Variants in PCDH9 observed in about 807,000 individuals in gnomAD.
The protein encoded by PCDH9 is protocadherin 9, also known as protocadherin-9.
PCDH9 carries 24 observed loss-of-function variants against 70.6 expected under a neutral mutation model. The ratio of observed to expected loss-of-function variants is 0.34; its 90% CI spans 0.25 to 0.48. The LOEUF (loss-of-function observed/expected upper bound fraction) is 0.48, where lower values mean the gene tolerates loss of function less well. Ranked by LOEUF, PCDH9 falls within the 20% of genes least tolerant of loss-of-function variation. PCDH9 has a pLI of 0.99. For missense variants in PCDH9, 1,281 were observed against 1,503.6 expected (o/e 0.85, Z 2.45); for synonymous variants, 562 against 558.5 (o/e 1.01, Z -0.09).
intron 3 of PCDH9, among the ~76,000 whole-genome samples, chr13:66,654,112 C>T (rs888377399): frequency 6.6e-6 from 1 of 151,814 alleles, no homozygotes; most frequent in Non-Finnish European, 1.5e-5. Context: ...GGTACATAAA[C>T]ACAATGGAAT....
At chr13:67,222,443 G>A (rs1050671450) in intron 2 of PCDH9, 1 of 151,964 alleles carries the variant, frequency 6.6e-6, no homozygotes, top group African/African-American at 2.4e-5. Flanking sequence ...TTCTTTGCAG[G>A]TTAACACAAG....
intron 2 of PCDH9, among the ~76,000 whole-genome samples, chr13:66,937,820 CT>C (rs57911340): frequency 0.85 from 124,469 of 146,930 alleles, 52,720 homozygotes; most frequent in Non-Finnish European, 0.88. Flanking sequence ...ATCACTTTAC[CT>C]TTTTTTTTTT....
intron 3 of PCDH9, among the ~76,000 whole-genome samples, chr13:66,757,103 C>A (rs1247614869): frequency 6.6e-6 from 1 of 152,178 alleles, no homozygotes; most frequent in Non-Finnish European, 1.5e-5. Context: ...TCCCAAAGTG[C>A]TGGGATTACA....
intron 2 of PCDH9, chr13:67,208,637 T>TTAC (rs1288628757): frequency 2.0e-5 from 3 of 152,138 alleles, no homozygotes; most frequent in Admixed American, 1.3e-4. Flanking sequence ...ATAAGTAAAT[T>TTAC]TACTACTGTC....
At chr13:66,625,661 ATT>A (rs56865546) in intron 4 of PCDH9, among the ~76,000 whole-genome samples, 481 of 122,952 alleles carry the variant, frequency 3.9e-3, no homozygotes, top group South Asian at 4.4e-3. Context: ...ATATAGTGGA[ATT>A]TTTTTTTTTT....
intron 4 of PCDH9, among the ~76,000 whole-genome samples, chr13:66,394,392 T>C (rs1271702395): frequency 6.6e-6 from 1 of 152,182 alleles, no homozygotes; most frequent in East Asian, 1.9e-4. Flanking sequence ...TGCCTATCTG[T>C]TTGCTTAGGA....
At position 66,937,899 on chromosome 13, in the gene PCDH9, G is replaced by A. The variant is rs568931809; in HGVS notation, c.3037-34294C>T. 2.5e-3 allele frequency among the ~76,000 whole-genome samples: 373 copies of A among 152,002 alleles called. 3 individuals carry two copies. Among genetic ancestry groups the A allele is most frequent in the African/African-American group, 8.7e-3 (362 of 41,426 alleles). ...CTGTGAATCTGCTGTCATTCTGGGG[G>A]TTGCCCAATTCACGAATCATTCATT... On this transcript the variant is annotated intron_variant, in intron 2 of 4. Coordinates refer to ENST00000377865, the MANE Select transcript of PCDH9 (RefSeq NM_203487.3).
intron 2 of PCDH9, among the ~76,000 whole-genome samples, chr13:67,039,069 G>A (rs901851150): frequency 2.0e-5 from 3 of 152,152 alleles, no homozygotes; most frequent in Non-Finnish European, 4.4e-5. Flanking sequence ...TCCAGATGAT[G>A]GGGTTCACGG....
At chr13:66,505,225 C>T (rs149252760) in intron 4 of PCDH9, among the ~76,000 whole-genome samples, 99 of 152,082 alleles carry the variant, frequency 6.5e-4, no homozygotes, top group Middle Eastern at 6.8e-3. Context: ...GTTCTCACAC[C>T]GCTAATAAAG....
At chr13:66,316,887 T>G (rs1955662858) in intron 4 of PCDH9, among the ~76,000 whole-genome samples, 1 of 152,108 alleles carries the variant, frequency 6.6e-6, no homozygotes, top group Admixed American at 6.6e-5. Flanking sequence ...AACGCCTGGC[T>G]AATTTTTGTA....
intron 3 of PCDH9, among the ~76,000 whole-genome samples, chr13:66,899,751 ATG>A (rs1456079727): frequency 3.3e-5 from 5 of 152,054 alleles, no homozygotes; most frequent in Admixed American, 3.3e-4. Context: ...CATAAAAACA[ATG>A]TGCACTTTTT....
chr13:66,722,855 C>A (rs1295592299), intron 3 of PCDH9, among the ~76,000 whole-genome samples: 1 of 151,392 alleles, frequency 6.6e-6, no homozygotes, highest in Non-Finnish European at 1.5e-5. Context: ...GTAATCCCAG[C>A]TACTCAGGAG....
intron 4 of PCDH9, among the ~76,000 whole-genome samples, chr13:66,556,019 G>C (rs1255225002): frequency 6.7e-6 from 1 of 149,092 alleles, no homozygotes; most frequent in Admixed American, 6.7e-5. Flanking sequence ...CTGAAAGACA[G>C]AGAACACAGT....
chr13:67,059,458 A>C (rs915988318), intron 2 of PCDH9, among the ~76,000 whole-genome samples: 3 of 149,734 alleles, frequency 2.0e-5, no homozygotes, highest in African/African-American at 4.9e-5. Flanking sequence ...TTATAAAGAA[A>C]AATACAGCAA....
At position 66,740,887 on chromosome 13, in the gene PCDH9, T is replaced by A. The variant is rs1175288109; in HGVS notation, c.3139-109476A>T. 5.0e-5 allele frequency among the ~76,000 whole-genome samples: 6 copies of A among 119,852 alleles called. No homozygotes were observed. In the Admixed American group the frequency reaches 5.3e-4, roughly 11 times the overall value. The allele number at this position is 119,852 out of a possible 152,430, so 78.6% of individuals were successfully genotyped here. ...CAAAAAGAGTCCAGGACCAGATGGA[T>A]TCACAGCCGAATTCTACCAGAGGTA... On this transcript the variant is annotated intron_variant, in intron 3 of 4. Transcript: ENST00000377865.
chr13:67,110,531 A>AT (rs2138268149), intron 2 of PCDH9, among the ~76,000 whole-genome samples: 1 of 151,766 alleles, frequency 6.6e-6, no homozygotes, highest in South Asian at 2.1e-4. Flanking sequence ...AAAAAAAAAA[A>AT]AAAAGGGACA....
intron 4 of PCDH9, among the ~76,000 whole-genome samples, chr13:66,393,779 C>T (rs1362012765): frequency 6.6e-5 from 10 of 152,214 alleles, no homozygotes; most frequent in Admixed American, 6.5e-4. Flanking sequence ...GAATTGTCTT[C>T]TAAATGAACA....
chr13:66,985,840 C>T (rs898141742), intron 2 of PCDH9: 8 of 152,052 alleles, frequency 5.3e-5, no homozygotes, highest in African/African-American at 1.9e-4. Context: ...TGCAACGCTG[C>T]ACACCCTTAA....
At chr13:66,962,486 C>T (rs9540960) in intron 2 of PCDH9, among the ~76,000 whole-genome samples, 25,482 of 152,176 alleles carry the variant, frequency 0.17, 2,332 homozygotes, top group Non-Finnish European at 0.2. Context: ...ACAGAGTGCA[C>T]AGACACAAAG....
Sources: allele counts gnomAD v4.1 joint callset (sites outside exome capture counted in the v4.1 genomes callset), GRCh38; gene constraint gnomAD v4.1.1; transcripts MANE v1.5; gene names NCBI Gene and HGNC (gene_info 2026-07-23, HGNC 2026-07-21).